The following MYO3B variants were observed in gnomAD, a reference collection of about 807,000 sequenced individuals.
MYO3B encodes the protein myosin IIIB.
MYO3B carries 156 observed loss-of-function variants against 174.6 expected under a neutral mutation model. The observed-to-expected ratio is 0.89, with a 90% CI of 0.78 to 1.02. The LOEUF (loss-of-function observed/expected upper bound fraction) is 1.02, where lower values mean the gene tolerates loss of function less well. Among genes scored for constraint, MYO3B ranks in the 50% least tolerant of loss-of-function variants. MYO3B has a pLI of 0.00. For missense variants in MYO3B, 1,632 were observed against 1,639.4 expected, an observed-to-expected ratio of 1.00 and a Z score of 0.08; for synonymous variants, 563 against 569.1, an observed-to-expected ratio of 0.99 and a Z score of 0.15.
intron 32 of MYO3B, among the ~76,000 whole-genome samples, chr2:170,628,577 C>T (rs898456523): frequency 2.0e-5 from 3 of 152,188 alleles, no homozygotes; most frequent in Admixed American, 2.0e-4. Context: ...TGAGATGAAC[C>T]CGGTACCTCA....
intron 6 of MYO3B, among the ~76,000 whole-genome samples, chr2:170,223,119 G>C (rs890584985): frequency 6.6e-6 from 1 of 152,154 alleles, no homozygotes; most frequent in Non-Finnish European, 1.5e-5. Flanking sequence ...CCTACTCTCA[G>C]GCAAAGCATT....
At chr2:170,490,631 A>G (rs1686409825) in intron 25 of MYO3B, among the ~76,000 whole-genome samples, 1 of 152,158 alleles carries the variant, frequency 6.6e-6, no homozygotes, top group African/African-American at 2.4e-5. Flanking sequence ...TTAGGAGGAT[A>G]GCATTCAGCT....
intron 7 of MYO3B, among the ~76,000 whole-genome samples, chr2:170,251,877 G>A (rs747561753): frequency 6.6e-6 from 1 of 152,212 alleles, no homozygotes; most frequent in Non-Finnish European, 1.5e-5. Flanking sequence ...AGCAGAGGAG[G>A]AAGCCCAGAG....
chr2:170,554,665 T>C (rs1174907906), intron 32 of MYO3B, among the ~76,000 whole-genome samples: 2 of 152,262 alleles, frequency 1.3e-5, no homozygotes, highest in Non-Finnish European at 2.9e-5. Context: ...AACATAGCTG[T>C]GAAAAGTTCT....
At chr2:170,629,604 C>G (rs1432057650) in intron 32 of MYO3B, among the ~76,000 whole-genome samples, 25 of 152,214 alleles carry the variant, frequency 1.6e-4, no homozygotes, top group Non-Finnish European at 2.9e-5. Flanking sequence ...AATCCTAACA[C>G]TTTGGGAGGC....
chr2:170,330,598 G>T (rs889305408), intron 7 of MYO3B, among the ~76,000 whole-genome samples: 1 of 152,160 alleles, frequency 6.6e-6, no homozygotes, highest in Admixed American at 6.6e-5. Context: ...AACATATGAT[G>T]GTTATTGGTA....
At chr2:170,593,154 G>T (rs975971326) in intron 32 of MYO3B, among the ~76,000 whole-genome samples, 1 of 152,134 alleles carries the variant, frequency 6.6e-6, no homozygotes, top group African/African-American at 2.4e-5. Context: ...GTGGAGTGTA[G>T]TGGCATGATC....
At chr2:170,239,500 G>T (rs1318612985) in intron 7 of MYO3B, among the ~76,000 whole-genome samples, 2 of 152,172 alleles carry the variant, frequency 1.3e-5, no homozygotes, top group African/African-American at 4.8e-5. Context: ...GGCCAGGTAT[G>T]AGCTGACTCT....
At chr2:170,233,175 C>A (rs2093032423) in intron 6 of MYO3B, among the ~76,000 whole-genome samples, 1 of 152,204 alleles carries the variant, frequency 6.6e-6, no homozygotes, top group Non-Finnish European at 1.5e-5. Context: ...GCAGTGGTCT[C>A]CTTCTAAAAT....
chr2:170,616,478 G>C (rs1695468772), intron 32 of MYO3B, among the ~76,000 whole-genome samples: 1 of 152,112 alleles, frequency 6.6e-6, no homozygotes, highest in Non-Finnish European at 1.5e-5. Context: ...ACACAATCCT[G>C]CATGCAACTT....
chr2:170,264,369 C>T (rs1437497175), intron 7 of MYO3B, among the ~76,000 whole-genome samples: 2 of 152,174 alleles, frequency 1.3e-5, no homozygotes, highest in African/African-American at 2.4e-5. Context: ...CCAAGAGGGT[C>T]CTCTCCCAGT....
At chr2:170,288,655 G>T (rs1243787164) in intron 7 of MYO3B, among the ~76,000 whole-genome samples, 1 of 151,876 alleles carries the variant, frequency 6.6e-6, no homozygotes, top group African/African-American at 2.4e-5. Flanking sequence ...GAAATCATGT[G>T]GTCTACAAAC....
At chr2:170,311,712 C>A (rs1051722044) in intron 7 of MYO3B, among the ~76,000 whole-genome samples, 1 of 151,866 alleles carries the variant, frequency 6.6e-6, no homozygotes, top group Non-Finnish European at 1.5e-5. Flanking sequence ...TACCTCTATG[C>A]GTTCTTCTAA....
Position 170,653,180 on chromosome 2 carries a change from C to CTG in MYO3B, c.*61_*62dup, listed in dbSNP as rs1699118758. ...AGGAACATTCATGGTAATCGACTGT[C>CTG]TGTCATTGCGTAAGAAAGCACTGAT... On this transcript the variant is annotated 3_prime_UTR_variant, in exon 35 of 35. Coordinates refer to ENST00000408978, the MANE Select transcript of MYO3B (RefSeq NM_138995.5). The CTG allele has an allele frequency of 1.2e-6, 2 of 1,601,710 alleles. No individual in the cohort carries two copies. Among genetic ancestry groups the CTG allele is most frequent in the Non-Finnish European group, 1.7e-6 (2 of 1,170,096 alleles).
In MYO3B at chr2:170,547,355, TA is replaced by T. The variant is rs112560312; in HGVS notation, c.3733+3370del. Among the ~76,000 whole-genome samples the T allele has an allele frequency of 0.028, 4,245 of 150,506 alleles. 542 individuals are homozygous for T. The East Asian group carries it at 0.44, about 16-fold the overall frequency. On this transcript the variant is annotated intron_variant, in intron 32 of 34. Transcript: ENST00000408978. ...AAAAAAAAAAAAAAAGAAGTGTCCCTAAACTGGCCCATGTGGTCCGGCTTAT... is the reference window on the plus strand; with the variant it reads ...AAAAAAAAAAAAAAAGAAGTGTCCCTAACTGGCCCATGTGGTCCGGCTTAT...
chr2:170,631,904 A>C (rs1027114163), intron 32 of MYO3B, among the ~76,000 whole-genome samples: 65 of 152,186 alleles, frequency 4.3e-4, no homozygotes, highest in Non-Finnish European at 6.5e-4. Context: ...GACAAGGAAA[A>C]CCATTACATA....
At chr2:170,445,316 A>G (rs1313643958) in intron 23 of MYO3B, among the ~76,000 whole-genome samples, 1 of 151,956 alleles carries the variant, frequency 6.6e-6, no homozygotes, top group African/African-American at 2.4e-5. Context: ...GAAACACTAG[A>G]CAGCACCACA....
At chr2:170,584,575 T>G (rs983281376) in intron 32 of MYO3B, among the ~76,000 whole-genome samples, 1 of 152,232 alleles carries the variant, frequency 6.6e-6, no homozygotes, top group African/African-American at 2.4e-5. Flanking sequence ...ATTAAGTGTT[T>G]CTTGGATTTT....
intron 7 of MYO3B, among the ~76,000 whole-genome samples, chr2:170,282,727 A>G (rs1487708837): frequency 6.6e-6 from 1 of 152,086 alleles, no homozygotes; most frequent in Non-Finnish European, 1.5e-5. Context: ...AATGCTTCCA[A>G]TCCCCAGGCC....
Sources: allele counts gnomAD v4.1 joint callset (sites outside exome capture counted in the v4.1 genomes callset), GRCh38; gene constraint gnomAD v4.1.1; transcripts MANE v1.5; gene names NCBI Gene and HGNC (gene_info 2026-07-23, HGNC 2026-07-21).